The following TMEM132D variants were observed in gnomAD, a reference collection of about 807,000 sequenced individuals.
TMEM132D encodes the protein mature OL transmembrane protein.
TMEM132D carries 21 observed loss-of-function variants against 62.3 expected under a neutral mutation model. The observed-to-expected ratio is 0.34, with a 90% CI of 0.24 to 0.49. TMEM132D has a LOEUF of 0.49. Among genes scored for constraint, TMEM132D ranks in the 20% least tolerant of loss-of-function variants. The pLI is 0.99. For missense variants in TMEM132D, 1,346 were observed against 1,402.8 expected (o/e 0.96, Z 0.65); for synonymous variants, 621 against 575.6 (o/e 1.08, Z -1.13).
intron 3 of TMEM132D, among the ~76,000 whole-genome samples, chr12:129,475,798 G>A (rs11060370): frequency 0.34 from 51,913 of 152,180 alleles, 9,284 homozygotes; most frequent in Middle Eastern, 0.43. Context: ...GATGCTGTGA[G>A]CATGACCTGG....
At chr12:129,549,364 A>C (rs1876826514) in intron 2 of TMEM132D, among the ~76,000 whole-genome samples, 1 of 150,698 alleles carries the variant, frequency 6.6e-6, no homozygotes, top group Non-Finnish European at 1.5e-5. Context: ...TAGCTCCTAT[A>C]ATTTCCACGT....
At chr12:129,479,456 C>A (rs974580702) in intron 3 of TMEM132D, among the ~76,000 whole-genome samples, 4 of 152,070 alleles carry the variant, frequency 2.6e-5, no homozygotes, top group Non-Finnish European at 5.9e-5. Context: ...GCCTTCATTG[C>A]TCTCTGGCAT....
intron 5 of TMEM132D, among the ~76,000 whole-genome samples, chr12:129,151,827 C>T (rs967127797): frequency 7.2e-5 from 11 of 151,856 alleles, no homozygotes; most frequent in South Asian, 2.1e-4. Context: ...ATTACCTGGA[C>T]GAATCCACAT....
chr12:129,433,721 G>A (rs570232702), intron 3 of TMEM132D, among the ~76,000 whole-genome samples: 1 of 152,254 alleles, frequency 6.6e-6, no homozygotes, highest in South Asian at 2.1e-4. Context: ...CAAGAGCAAG[G>A]CCAGAGCGTG....
intron 4 of TMEM132D, among the ~76,000 whole-genome samples, chr12:129,317,517 A>T (rs1251601240): frequency 6.6e-6 from 1 of 152,162 alleles, no homozygotes; most frequent in South Asian, 2.1e-4. Context: ...ATCTGCTGTT[A>T]ATCCGATAGG....
chr12:129,584,869 A>G (rs184925801), intron 2 of TMEM132D, among the ~76,000 whole-genome samples: 4 of 152,326 alleles, frequency 2.6e-5, no homozygotes, highest in Admixed American at 1.3e-4. Flanking sequence ...TGCTAGCAAA[A>G]GAGAGGGGAA....
At chr12:129,699,119 C>A (rs544402463) in intron 2 of TMEM132D, among the ~76,000 whole-genome samples, 2 of 152,296 alleles carry the variant, frequency 1.3e-5, no homozygotes, top group African/African-American at 4.8e-5. Flanking sequence ...AAAATACAAA[C>A]AAGCCTAGGC....
At chr12:129,434,655 T>C (rs55874322) in intron 3 of TMEM132D, among the ~76,000 whole-genome samples, 7,002 of 147,828 alleles carry the variant, frequency 0.047, 473 homozygotes, top group African/African-American at 0.14. Flanking sequence ...TTTTTAAAGT[T>C]GTAGTTTTTT....
chr12:129,189,375 A>G (rs140311532), intron 5 of TMEM132D, among the ~76,000 whole-genome samples: 1,849 of 152,242 alleles, frequency 0.012, 42 homozygotes, highest in African/African-American at 0.042. Flanking sequence ...CAAGTTTCCA[A>G]TCCCTGGGAA....
intron 4 of TMEM132D, among the ~76,000 whole-genome samples, chr12:129,279,251 T>C (rs1266922267): frequency 6.6e-6 from 1 of 152,164 alleles, no homozygotes; most frequent in Non-Finnish European, 1.5e-5. Flanking sequence ...GGAAATAGGA[T>C]TTTCTCTTGG....
intron 4 of TMEM132D, among the ~76,000 whole-genome samples, chr12:129,255,814 G>T (rs571868825): frequency 9.8e-5 from 15 of 152,344 alleles, no homozygotes; most frequent in African/African-American, 3.4e-4. Flanking sequence ...AACAGAGGAA[G>T]AGGGTTCTCT....
At chr12:129,728,028 T>C (rs61945247) in intron 1 of TMEM132D, among the ~76,000 whole-genome samples, 21,859 of 152,150 alleles carry the variant, frequency 0.14, 1,729 homozygotes, top group South Asian at 0.25. Context: ...TTATGCTGTC[T>C]CTATTTTTGC....
rs12322048 is a variant in TMEM132D, at chr12:129,834,381, A to T, written c.79+68880T>A. Among the ~76,000 whole-genome samples, 1,085 of 152,174 alleles carry T rather than the reference A, an allele frequency of 7.1e-3. 13 individuals are homozygous for T. Among genetic ancestry groups the T allele is most frequent in the African/African-American group, 0.025 (1,049 of 41,522 alleles). On this transcript the variant is annotated intron_variant, in intron 1 of 8. Coordinates refer to ENST00000422113, the MANE Select transcript of TMEM132D (RefSeq NM_133448.3). ...ATCAAGATAATGGCAACCAAACCTCAGGACAGGCAATTTCTCAAGATAGCC... is the reference window on the plus strand; with the variant it reads ...ATCAAGATAATGGCAACCAAACCTCTGGACAGGCAATTTCTCAAGATAGCC...
At chr12:129,723,585 A>G (rs141089740) in intron 1 of TMEM132D, among the ~76,000 whole-genome samples, 2 of 152,286 alleles carry the variant, frequency 1.3e-5, no homozygotes, top group East Asian at 3.9e-4. Flanking sequence ...GCTGCTGCCA[A>G]CAGTCCTTCC....
At chr12:129,824,229 C>T (rs532740220) in intron 1 of TMEM132D, among the ~76,000 whole-genome samples, 8 of 152,164 alleles carry the variant, frequency 5.3e-5, no homozygotes, top group East Asian at 1.9e-4. Flanking sequence ...CTTCCAGTAA[C>T]GGCTCTCAAC....
At chr12:129,383,670 C>T (rs1401278383) in intron 3 of TMEM132D, among the ~76,000 whole-genome samples, 2 of 152,222 alleles carry the variant, frequency 1.3e-5, no homozygotes, top group Non-Finnish European at 2.9e-5. Context: ...AACTCCTGAC[C>T]TCAAGAGATC....
chr12:129,840,170 G>A (rs1398693729), intron 1 of TMEM132D: 1 of 152,122 alleles, frequency 6.6e-6, no homozygotes, highest in African/African-American at 2.4e-5. Flanking sequence ...ACACACCCTG[G>A]GTGAGAGACC....
At chr12:129,214,297 C>T (rs1198231938) in intron 4 of TMEM132D, among the ~76,000 whole-genome samples, 7 of 152,010 alleles carry the variant, frequency 4.6e-5, no homozygotes, top group African/African-American at 1.5e-4. Flanking sequence ...TTTTAAATTT[C>T]CTCATGTTTC....
intron 3 of TMEM132D, among the ~76,000 whole-genome samples, chr12:129,367,572 G>A (rs1440308566): frequency 3.9e-5 from 6 of 152,130 alleles, no homozygotes; most frequent in African/African-American, 1.4e-4. Flanking sequence ...TTCTTCAGGT[G>A]TGACGGGCTG....
Sources: allele counts gnomAD v4.1 joint callset (sites outside exome capture counted in the v4.1 genomes callset), GRCh38; gene constraint gnomAD v4.1.1; transcripts MANE v1.5; gene names NCBI Gene and HGNC (gene_info 2026-07-23, HGNC 2026-07-21).